Variants in RSF1 observed in about 807,000 individuals in gnomAD.
The protein encoded by RSF1 is HBV pX-associated protein 8.
In RSF1, 13 loss-of-function variants were observed where a neutral mutation model predicts 145.2. That is an observed-to-expected ratio of 0.09 (90% confidence interval 0.06 to 0.14). RSF1 has a LOEUF of 0.14. RSF1 is among the 10% of genes least tolerant of loss of function. RSF1 has a pLI of 1.00. For synonymous variants in RSF1, 577 were observed against 592.6 expected (o/e 0.97, Z 0.38); for missense variants, 1,517 against 1,718.2 (o/e 0.88, Z 2.07).
the RSF1 span, among the ~76,000 whole-genome samples, chr11:77,849,608 C>T: frequency 6.6e-6 from 1 of 152,252 alleles, no homozygotes; most frequent in African/African-American, 2.4e-5. Flanking sequence ...ATCCTTTTGC[C>T]TTGGCCTCCC....
intron 1 of RSF1, among the ~76,000 whole-genome samples, chr11:77,774,773 C>CT (rs113525529): frequency 0.15 from 21,758 of 141,800 alleles, 1,942 homozygotes; most frequent in African/African-American, 0.22. Context: ...TCTTTTTTTT[C>CT]TTTTTTTTTT....
chr11:77,850,094 CA>C, the RSF1 span, among the ~76,000 whole-genome samples: 1 of 152,310 alleles, frequency 6.6e-6, no homozygotes, highest in Admixed American at 6.5e-5. Flanking sequence ...TTATAAATGT[CA>C]TTAAACAAAC....
chr11:77,858,035 C>T, the RSF1 span, among the ~76,000 whole-genome samples: 1 of 151,794 alleles, frequency 6.6e-6, no homozygotes, highest in African/African-American at 2.4e-5. Context: ...GGTATTTGTC[C>T]TAATGCTGTC....
chr11:77,776,954 T>C (rs1233399091), intron 1 of RSF1, among the ~76,000 whole-genome samples: 5 of 152,152 alleles, frequency 3.3e-5, no homozygotes, highest in Non-Finnish European at 7.4e-5. Context: ...ACTGAACTTC[T>C]TGAACTACAA....
At chr11:77,719,149 C>T (rs1960887407) in intron 5 of RSF1, among the ~76,000 whole-genome samples, 1 of 151,950 alleles carries the variant, frequency 6.6e-6, no homozygotes, top group Non-Finnish European at 1.5e-5. Context: ...CAGGAGGATC[C>T]CTTGAGCCCA....
intron 5 of RSF1, among the ~76,000 whole-genome samples, chr11:77,719,190 T>C (rs1960888366): frequency 6.6e-6 from 1 of 152,170 alleles, no homozygotes; most frequent in Admixed American, 6.5e-5. Context: ...GTTGTGATTG[T>C]GGCACTAGAT....
chr11:77,667,329 G>A lies in RSF1; in HGVS notation c.3914C>T (p.Thr1305Met), dbSNP rs185077706. The A allele has an allele frequency of 3.1e-5, 50 of 1,613,904 alleles. No individual in the cohort carries two copies. In the East Asian group the frequency reaches 5.1e-4, roughly 17 times the overall value. ...PSRKRLHRIE[T>M]DEEESCDNAH... ...ATTGTCACAACTCTCCTCCTCATCC[G>A]TCTCAATCCGGTGTAGCCGTTTGCG... Residue 1305 changes from threonine to methionine, a missense_variant, in exon 16 of 16, where the codon ACG becomes ATG. Transcript: ENST00000308488.
At chr11:77,792,914 C>G (rs12417823) in intron 1 of RSF1, among the ~76,000 whole-genome samples, 26,858 of 151,738 alleles carry the variant, frequency 0.18, 2,956 homozygotes, top group African/African-American at 0.29. Context: ...ACCTGGAAGT[C>G]AAAGGATGAT....
Position 77,817,786 on chromosome 11 carries a change from A to G in RSF1, c.187+2742T>C, listed in dbSNP as rs188630578. Among the ~76,000 whole-genome samples, 337 of 152,306 alleles carry G rather than the reference A, an allele frequency of 2.2e-3. 2 individuals are homozygous for G. Among genetic ancestry groups the G allele is most frequent in the African/African-American group, 7.9e-3 (329 of 41,560 alleles). ...TAAATCCATGTCTTTTAACTCTTGT[A>G]CACTACAACTCTTTCCCAAAAAGAC... On this transcript the variant is annotated intron_variant, in intron 1 of 15. Transcript: ENST00000308488.
At position 77,817,077 on chromosome 11, in the gene RSF1, A is replaced by G. The variant is rs116127940; in HGVS notation, c.187+3451T>C. ...CCCTTCTTTCTTGCCCCGAAATTCAATGATAGTTTCTAGAGCAAAGGTTCT... is the reference window on the plus strand; with the variant it reads ...CCCTTCTTTCTTGCCCCGAAATTCAGTGATAGTTTCTAGAGCAAAGGTTCT... On this transcript the variant is annotated intron_variant, in intron 1 of 15. Transcript: ENST00000308488. 9.1e-3 allele frequency among the ~76,000 whole-genome samples: 1,383 copies of G among 152,288 alleles called. 20 individuals are homozygous for G. Among genetic ancestry groups the G allele is most frequent in the African/African-American group, 0.03 (1,259 of 41,544 alleles).
At chr11:77,848,536 T>C in the RSF1 span, among the ~76,000 whole-genome samples, 1 of 152,064 alleles carries the variant, frequency 6.6e-6, no homozygotes, top group Admixed American at 6.6e-5. Flanking sequence ...TTTTTTGTAT[T>C]TTCAGTAGAG....
intron 1 of RSF1, among the ~76,000 whole-genome samples, chr11:77,768,721 T>C (rs1948251822): frequency 6.6e-6 from 1 of 152,196 alleles, no homozygotes; most frequent in African/African-American, 2.4e-5. Context: ...GACAAGCTGA[T>C]AATCTTTAAG....
chr11:77,702,553 A>G (rs1371995650), intron 5 of RSF1, 58 bp from the exon 6 acceptor site: 1 of 1,172,640 alleles, frequency 8.5e-7, no homozygotes, highest in Non-Finnish European at 1.2e-6. Context: ...TATAAAATAT[A>G]AGACTTAGTA....
At chr11:77,711,469 C>T (rs1960682657) in intron 5 of RSF1, among the ~76,000 whole-genome samples, 2 of 151,856 alleles carry the variant, frequency 1.3e-5, no homozygotes, top group Non-Finnish European at 2.9e-5. Context: ...GAGTTTGAGA[C>T]CAGCCTGGCC....
At chr11:77,676,769 G>C (rs752705663) in intron 13 of RSF1, 23 bp downstream of exon 13, 7 of 1,604,980 alleles carry the variant, frequency 4.4e-6, no homozygotes, top group Non-Finnish European at 6.0e-6. Context: ...CTAGGGATCG[G>C]GGCCTAGTAG....
intron 1 of RSF1, among the ~76,000 whole-genome samples, chr11:77,811,461 A>G (rs1372452314): frequency 6.6e-6 from 1 of 152,230 alleles, no homozygotes; most frequent in Non-Finnish European, 1.5e-5. Flanking sequence ...AAATCTACAA[A>G]GTGTACGTGC....
intron 4 of RSF1, among the ~76,000 whole-genome samples, chr11:77,726,822 C>T (rs899188771): frequency 6.6e-6 from 1 of 152,152 alleles, no homozygotes; most frequent in Non-Finnish European, 1.5e-5. Flanking sequence ...CAATTCCATG[C>T]CAGCTAGATT....
At chr11:77,737,472 A>G (rs867753503) in intron 4 of RSF1, among the ~76,000 whole-genome samples, 1 of 110,396 alleles carries the variant, frequency 9.1e-6, no homozygotes, top group Non-Finnish European at 1.8e-5. Context: ...AAAAACCAAA[A>G]AACAACAACA....
intron 3 of RSF1, among the ~76,000 whole-genome samples, chr11:77,741,805 C>T (rs941257992): frequency 6.6e-6 from 1 of 152,122 alleles, no homozygotes; most frequent in South Asian, 2.1e-4. Context: ...ACTAATTCCT[C>T]CTGTCTGACT....
Sources: gnomAD v4.1 joint callset for allele counts (sites outside exome capture counted in the v4.1 genomes callset) on GRCh38, gnomAD v4.1.1 for gene constraint, MANE v1.5 for transcripts, NCBI Gene and HGNC (gene_info 2026-07-23, HGNC 2026-07-21) for gene names.